Variants in MAP7 observed in about 807,000 individuals in gnomAD.
The protein encoded by MAP7 is microtubule associated protein 7, also known as ensconsin.
Under a neutral mutation model 94.8 loss-of-function variants are expected in MAP7, and 52 were observed. The observed-to-expected ratio is 0.55, with a 90% CI of 0.44 to 0.69. MAP7 has a LOEUF of 0.69. MAP7 is among the 30% of genes least tolerant of loss of function. The pLI, the probability that MAP7 is intolerant of heterozygous loss-of-function variation, is 0.00. For synonymous variants in MAP7, 350 were observed against 357.0 expected (o/e 0.98, Z 0.22); for missense variants, 940 against 964.6 (o/e 0.97, Z 0.34).
chr6:136,496,374 G>A (rs531318215), intron 1 of MAP7, among the ~76,000 whole-genome samples: 2 of 152,278 alleles, frequency 1.3e-5, no homozygotes, highest in East Asian at 1.9e-4. Context: ...GATAGGATGA[G>A]CTTCATGTGA....
At chr6:136,539,632 A>T (rs866026283) in intron 1 of MAP7, among the ~76,000 whole-genome samples, 10 of 152,302 alleles carry the variant, frequency 6.6e-5, no homozygotes, top group Middle Eastern at 3.4e-3. Flanking sequence ...AAAAGCTTCA[A>T]ATCACAAAAG....
intron 16 of MAP7, 100 bp downstream of exon 16, chr6:136,356,592 C>T (rs764886585): frequency 2.7e-4 from 235 of 883,100 alleles, no homozygotes; most frequent in Non-Finnish European, 3.9e-4. Context: ...TGAGGCCCCC[C>T]CCAAATAATA....
At chr6:136,421,677 C>A in intron 2 of MAP7, 24 bp downstream of exon 2, 1 of 1,581,388 alleles carries the variant, frequency 6.3e-7, no homozygotes, top group South Asian at 1.1e-5. Context: ...TTTATTTTCC[C>A]ACAGTTAATG....
chr6:136,407,941 T>C, intron 3 of MAP7, among the ~76,000 whole-genome samples: 1 of 151,820 alleles, frequency 6.6e-6, no homozygotes, highest in East Asian at 1.9e-4. Context: ...CCAGGATGAG[T>C]CAGTTTTGGA....
chr6:136,546,355 C>T (rs1829740718), intron 1 of MAP7, among the ~76,000 whole-genome samples: 1 of 151,244 alleles, frequency 6.6e-6, no homozygotes, highest in Non-Finnish European at 1.5e-5. Flanking sequence ...CTCCCTGCCA[C>T]CTCCCACCCC....
Position 136,355,409 on chromosome 6 carries a change from T to C in MAP7, c.2015+1283A>G, listed in dbSNP as rs183964867. Among the ~76,000 whole-genome samples the C allele has an allele frequency of 1.3e-3, 195 of 152,136 alleles. 1 individual carries two copies. The East Asian group carries it at 0.016, about 12-fold the overall frequency. ...CAACAATAAAGTTATTCAACATAAT[T>C]GGAAATGAATTATTAAGATCTCTCA... On this transcript the variant is annotated intron_variant, in intron 16 of 17. Transcript: ENST00000354570.
chr6:136,382,104 T>G (rs1359741162), intron 6 of MAP7, among the ~76,000 whole-genome samples: 1 of 151,850 alleles, frequency 6.6e-6, no homozygotes, highest in Non-Finnish European at 1.5e-5. Flanking sequence ...CCAACTAGAG[T>G]AGGTGATCTA....
chr6:136,436,511 C>G (rs1162111024), intron 1 of MAP7, among the ~76,000 whole-genome samples: 1 of 151,714 alleles, frequency 6.6e-6, no homozygotes, highest in Non-Finnish European at 1.5e-5. Context: ...TCCCAAGTAG[C>G]TGGGACTACA....
intron 6 of MAP7, among the ~76,000 whole-genome samples, chr6:136,380,880 T>C (rs1777550456): frequency 1.3e-5 from 2 of 152,224 alleles, no homozygotes; most frequent in Non-Finnish European, 1.5e-5. Flanking sequence ...AAAAGTGATA[T>C]GGAAATATTT....
intron 1 of MAP7, chr6:136,526,650 C>G: frequency 1.0e-6 from 1 of 985,488 alleles, no homozygotes; most frequent in South Asian, 4.7e-5. Context: ...TCAGCGGCAG[C>G]GCAGCAGGAT....
intron 1 of MAP7, among the ~76,000 whole-genome samples, chr6:136,458,434 T>C (rs1165571946): frequency 2.0e-5 from 3 of 152,114 alleles, no homozygotes; most frequent in Non-Finnish European, 4.4e-5. Context: ...AGTCCTATAA[T>C]TCATATGGAA....
chr6:136,471,023 A>G (rs1808807784), intron 1 of MAP7, among the ~76,000 whole-genome samples: 2 of 152,226 alleles, frequency 1.3e-5, no homozygotes, highest in African/African-American at 4.8e-5. Context: ...TATCTAACAT[A>G]AATGCTGGGG....
intron 1 of MAP7, among the ~76,000 whole-genome samples, chr6:136,499,392 A>AT (rs1469546210): frequency 6.6e-6 from 1 of 152,162 alleles, no homozygotes; most frequent in African/African-American, 2.4e-5. Flanking sequence ...TTCATGCGAT[A>AT]ACCCCAAGGT....
intron 3 of MAP7, among the ~76,000 whole-genome samples, chr6:136,403,983 C>T (rs1478146018): frequency 6.6e-6 from 1 of 152,214 alleles, no homozygotes; most frequent in African/African-American, 2.4e-5. Context: ...AGACTGGTAA[C>T]AGATATGCCG....
intron 1 of MAP7, among the ~76,000 whole-genome samples, chr6:136,497,985 A>G (rs189193485): frequency 6.6e-6 from 1 of 152,050 alleles, no homozygotes; most frequent in East Asian, 1.9e-4. Flanking sequence ...TCCTGACCAC[A>G]TATCCTTAAC....
chr6:136,501,485 T>C (rs1390320119), intron 1 of MAP7, among the ~76,000 whole-genome samples: 2 of 152,208 alleles, frequency 1.3e-5, no homozygotes, highest in African/African-American at 4.8e-5. Context: ...GGCTTCCACA[T>C]GGTAAGTGCT....
chr6:136,495,911 G>A (rs751313217), intron 1 of MAP7, among the ~76,000 whole-genome samples: 35 of 152,256 alleles, frequency 2.3e-4, no homozygotes, highest in East Asian at 1.3e-3. Flanking sequence ...GGAAAAAGAA[G>A]ATATTAATAA....
intron 1 of MAP7, among the ~76,000 whole-genome samples, chr6:136,524,247 AAAAAG>A (rs1023637694): frequency 5.9e-5 from 9 of 152,140 alleles, no homozygotes; most frequent in African/African-American, 2.2e-4. Flanking sequence ...CCATCTCAAA[AAAAAG>A]AAAAGAAAAG....
chr6:136,491,115 A>G (rs539931821), intron 1 of MAP7, among the ~76,000 whole-genome samples: 19 of 152,338 alleles, frequency 1.2e-4, no homozygotes, highest in Non-Finnish European at 2.2e-4. Flanking sequence ...GGTGTTAACT[A>G]TATAAATTCT....
Sources: gnomAD v4.1 joint callset for allele counts (sites outside exome capture counted in the v4.1 genomes callset) on GRCh38, gnomAD v4.1.1 for gene constraint, MANE v1.5 for transcripts, NCBI Gene and HGNC (gene_info 2026-07-23, HGNC 2026-07-21) for gene names.